The following PPP1R14C variants were observed in gnomAD, a reference collection of about 807,000 sequenced individuals.
The protein encoded by PPP1R14C is protein phosphatase 1 regulatory inhibitor subunit 14C, also known as protein phosphatase 1 regulatory subunit 14C.
Under a neutral mutation model 20.4 loss-of-function variants are expected in PPP1R14C, and 16 were observed. The ratio of observed to expected loss-of-function variants is 0.78; its 90% CI spans 0.53 to 1.19. The LOEUF (loss-of-function observed/expected upper bound fraction) is 1.19, where lower values mean the gene tolerates loss of function less well. PPP1R14C is among the 50% of genes most tolerant of loss of function. The pLI, the probability that PPP1R14C is intolerant of heterozygous loss-of-function variation, is 0.00. For missense variants in PPP1R14C, 211 were observed against 220.1 expected (o/e 0.96, Z 0.26); for synonymous variants, 91 against 91.0 (o/e 1.00, Z 0.00).
chr6:150,238,990 A>C (rs1778401067), intron 3 of PPP1R14C, among the ~76,000 whole-genome samples: 1 of 152,008 alleles, frequency 6.6e-6, no homozygotes, highest in Non-Finnish European at 1.5e-5. Flanking sequence ...TCAGATCCCC[A>C]TACAGAAACC....
At chr6:150,213,216 A>G (rs750218744) in intron 1 of PPP1R14C, among the ~76,000 whole-genome samples, 10 of 152,172 alleles carry the variant, frequency 6.6e-5, no homozygotes, top group Non-Finnish European at 1.0e-4. Flanking sequence ...ACAAGAATAA[A>G]TCACTAGAGA....
At chr6:150,218,484 C>CCCG (rs1554220688) in intron 3 of PPP1R14C, among the ~76,000 whole-genome samples, 1 of 118,416 alleles carries the variant, frequency 8.4e-6, no homozygotes, top group Non-Finnish European at 1.7e-5. Context: ...ACCCCCCCCC[C>CCCG]CAAAAAAAAA....
rs185814071 is a variant in PPP1R14C at position 150,217,517 on chromosome 6, G to C, written c.423+661G>C. 7.2e-5 allele frequency among the ~76,000 whole-genome samples: 11 copies of C among 152,122 alleles called. No homozygotes were observed. The East Asian group carries it at 2.1e-3, about 29-fold the overall frequency. On this transcript the variant is annotated intron_variant, in intron 3 of 3. Coordinates refer to ENST00000361131, the MANE Select transcript of PPP1R14C (RefSeq NM_030949.3). ...GCCTATCGGTATGTATTTTTTAAAA[G>C]CGTAAAGGCAGGTCTGTCTTTCCAA...
At chr6:150,175,788 C>T (rs1235905167) in intron 1 of PPP1R14C, among the ~76,000 whole-genome samples, 1 of 152,214 alleles carries the variant, frequency 6.6e-6, no homozygotes, top group Non-Finnish European at 1.5e-5. Context: ...GGTGTTTTCT[C>T]AGCAGAACCA....
chr6:150,203,051 A>T (rs1777897659), intron 1 of PPP1R14C, among the ~76,000 whole-genome samples: 1 of 152,114 alleles, frequency 6.6e-6, no homozygotes, highest in African/African-American at 2.4e-5. Context: ...AAAGCTCATC[A>T]TTTCCATTCA....
chr6:150,245,170 G>T (rs1486726417), intron 3 of PPP1R14C, among the ~76,000 whole-genome samples: 1 of 152,120 alleles, frequency 6.6e-6, no homozygotes, highest in Non-Finnish European at 1.5e-5. Flanking sequence ...AGGTCTACTG[G>T]CTCTGCCTCC....
At chr6:150,184,030 A>C (rs1777650518) in intron 1 of PPP1R14C, among the ~76,000 whole-genome samples, 1 of 152,218 alleles carries the variant, frequency 6.6e-6, no homozygotes, top group Non-Finnish European at 1.5e-5. Context: ...GTTTTTGAAG[A>C]AGGATTAGTT....
intron 3 of PPP1R14C, among the ~76,000 whole-genome samples, chr6:150,218,161 TG>T (rs910454632): frequency 6.6e-6 from 1 of 152,024 alleles, no homozygotes; most frequent in Non-Finnish European, 1.5e-5. Flanking sequence ...CACAGCACTT[TG>T]GGGGGCCGAG....
At chr6:150,187,062 G>T (rs1004648738) in intron 1 of PPP1R14C, among the ~76,000 whole-genome samples, 8 of 151,516 alleles carry the variant, frequency 5.3e-5, no homozygotes, top group African/African-American at 1.9e-4. Flanking sequence ...TGCAACCTTC[G>T]CCTCCTGGGT....
intron 3 of PPP1R14C, among the ~76,000 whole-genome samples, chr6:150,225,617 T>C (rs1226177980): frequency 6.6e-6 from 1 of 152,224 alleles, no homozygotes; most frequent in African/African-American, 2.4e-5. Context: ...GGGATGGCAA[T>C]TTCCAAACTT....
At chr6:150,158,798 G>A (rs1157007274) in intron 1 of PPP1R14C, among the ~76,000 whole-genome samples, 1 of 152,166 alleles carries the variant, frequency 6.6e-6, no homozygotes, top group African/African-American at 2.4e-5. Flanking sequence ...ACAATGTTTG[G>A]AATAGCTCAA....
intron 1 of PPP1R14C, among the ~76,000 whole-genome samples, chr6:150,152,515 C>G (rs922653980): frequency 6.6e-6 from 1 of 152,200 alleles, no homozygotes; most frequent in Admixed American, 6.5e-5. Flanking sequence ...CCCAGCCCTG[C>G]TGTTTCAGCT....
intron 3 of PPP1R14C, among the ~76,000 whole-genome samples, chr6:150,235,517 ATAACT>A (rs1778349913): frequency 1.3e-5 from 2 of 152,354 alleles, no homozygotes; most frequent in African/African-American, 2.4e-5. Context: ...AATGAAGTTG[ATAACT>A]TAAAGAGAAA....
intron 3 of PPP1R14C, among the ~76,000 whole-genome samples, chr6:150,228,419 C>T (rs985867834): frequency 1.3e-5 from 2 of 152,156 alleles, no homozygotes; most frequent in Admixed American, 6.5e-5. Context: ...GGACAGAGTC[C>T]AGGAAAGTGG....
At chr6:150,179,063 G>A (rs1282494579) in intron 1 of PPP1R14C, among the ~76,000 whole-genome samples, 1 of 152,118 alleles carries the variant, frequency 6.6e-6, no homozygotes, top group Non-Finnish European at 1.5e-5. Flanking sequence ...TAGGAGGAAG[G>A]GAGGCCTGGA....
chr6:150,170,771 T>C (rs975152641), intron 1 of PPP1R14C, among the ~76,000 whole-genome samples: 1 of 133,500 alleles, frequency 7.5e-6, no homozygotes, highest in African/African-American at 2.8e-5. Context: ...TAGGTTACAG[T>C]ACGACTCTTT....
At chr6:150,208,649 T>C (rs1038911652) in intron 1 of PPP1R14C, among the ~76,000 whole-genome samples, 2 of 152,210 alleles carry the variant, frequency 1.3e-5, no homozygotes, top group African/African-American at 4.8e-5. Context: ...TTCACTCCTT[T>C]TGTCACTGGA....
chr6:150,218,486 A>C (rs6934493), intron 3 of PPP1R14C, among the ~76,000 whole-genome samples: 59,744 of 91,684 alleles, frequency 0.65, 16,186 homozygotes, highest in East Asian at 0.75. Flanking sequence ...CCCCCCCCCC[A>C]AAAAAAAATT....
At chr6:150,207,438 C>T (rs1777967626) in intron 1 of PPP1R14C, among the ~76,000 whole-genome samples, 1 of 152,256 alleles carries the variant, frequency 6.6e-6, no homozygotes, top group South Asian at 2.1e-4. Context: ...GCAAGCTCAT[C>T]TCCATGCCTT....
Sources: gnomAD v4.1 joint callset for allele counts (sites outside exome capture counted in the v4.1 genomes callset) on GRCh38, gnomAD v4.1.1 for gene constraint, MANE v1.5 for transcripts, NCBI Gene and HGNC (gene_info 2026-07-23, HGNC 2026-07-21) for gene names.